APLP1: variants seen among roughly 807,000 people sequenced by gnomAD.
APLP1 encodes amyloid beta precursor like protein 1, also known as amyloid beta (A4) precursor-like protein 1.
In APLP1, 46 loss-of-function variants were observed where a neutral mutation model predicts 84.5. The ratio of observed to expected loss-of-function variants is 0.54; its 90% CI spans 0.43 to 0.70. APLP1 has a LOEUF of 0.70. Ranked by LOEUF, APLP1 falls within the 30% of genes least tolerant of loss-of-function variation. The pLI is 0.00. For synonymous variants in APLP1, 376 were observed against 364.0 expected (o/e 1.03, Z -0.38); for missense variants, 826 against 900.2 (o/e 0.92, Z 1.05).
At chr19:35,870,782 C>T (rs1974121811) in intron 2 of APLP1, 114 bp from the exon 3 acceptor site, 4 of 1,415,182 alleles carry the variant, frequency 2.8e-6, no homozygotes, top group Non-Finnish European at 3.8e-6. Flanking sequence ...AAATCTCCGT[C>T]TCAAAGAAAG....
At position 35,874,834 on chromosome 19, in the gene APLP1, G is replaced by A. The variant is rs35358477; in HGVS notation, c.1309G>A (p.Val437Met). 4.6e-3 allele frequency: 7,332 copies of A among 1,611,174 alleles called. 26 individuals carry two copies. Among genetic ancestry groups the A allele is most frequent in the Non-Finnish European group, 5.3e-3 (6,306 of 1,179,958 alleles). Reference protein sequence around the residue: ...TLRHYQHVAAVDPEKAQQMRF... With the variant: ...TLRHYQHVAAMDPEKAQQMRF... ...GCGCCACTACCAGCATGTGGCCGCC[G>A]TGGATCCCGAGAAGGCACAGCAGAT... Residue 437 changes from valine to methionine, a missense_variant, in exon 10 of 17, where the codon GTG becomes ATG. Val to Met is a conservative substitution (Grantham distance 21, BLOSUM62 1). Transcript: ENST00000221891. This position sits in a 1 kb window ranked among gnomAD's most constrained non-coding sequence, Gnocchi z 6.4.
chr19:35,878,410 G>T, intron 13 of APLP1, 174 bp from the exon 14 acceptor site: 3 of 674,766 alleles, frequency 4.4e-6, no homozygotes, highest in South Asian at 3.7e-5. Context: ...CCTGGGTGTG[G>T]TGGGGCATGT....
chr19:35,878,035 C>A, intron 12 of APLP1, 47 bp from the exon 13 acceptor site: 1 of 1,592,200 alleles, frequency 6.3e-7, no homozygotes, highest in Non-Finnish European at 8.6e-7. Context: ...TTTGCTGATA[C>A]CCTCCTCTCT....
At chr19:35,875,160 CTTTT>C (rs71167572) in intron 10 of APLP1, among the ~76,000 whole-genome samples, 2 of 115,790 alleles carry the variant, frequency 1.7e-5, no homozygotes, top group African/African-American at 3.6e-5. Flanking sequence ...CCAGAATCGT[CTTTT>C]TTTTTTTTTT....
chr19:35,868,595 C>T lies in APLP1; in HGVS notation c.-42C>T. 2.4e-6 allele frequency: 3 copies of T among 1,229,976 alleles called. No individual in the cohort carries two copies. The highest frequency in any genetic ancestry group is 3.0e-6 in the Non-Finnish European group (3 of 985,688). The allele number at this position is 1,229,976 out of a possible 1,614,324, so 76.2% of individuals were successfully genotyped here. A position where few individuals can be genotyped will look rare whatever the true frequency, so the allele number is the denominator to read the frequency against. On this transcript the variant is annotated 5_prime_UTR_variant, in exon 1 of 17. Coordinates refer to ENST00000221891, the MANE Select transcript of APLP1 (RefSeq NM_001024807.3). This position sits in a 1 kb window ranked among gnomAD's most constrained non-coding sequence, Gnocchi z 5.2. The stretch of plus-strand genomic sequence containing the variant: ...GCTCCTGTCACCGCTGGGGCCGGGC[C>T]GGGCGGGAGTGCAGGGGACGTGAGG...
At chr19:35,876,431 T>TA in intron 10 of APLP1, 86 bp from the exon 11 acceptor site, 1 of 1,177,202 alleles carries the variant, frequency 8.5e-7, no homozygotes, top group Non-Finnish European at 1.3e-6. Context: ...CCTCAGTCGC[T>TA]ATTGAATTCC....
chr19:35,869,325 A>G (rs1599880209), intron 1 of APLP1: 1 of 539,654 alleles, frequency 1.9e-6, no homozygotes, highest in East Asian at 3.4e-5. Context: ...GGATGGAGGG[A>G]GGAGGGGCCA....
chr19:35,869,529 G>C (rs557734765), intron 1 of APLP1, 138 bp from the exon 2 acceptor site: 1 of 1,194,626 alleles, frequency 8.4e-7, no homozygotes, highest in Non-Finnish European at 1.2e-6. Context: ...CCCAGGGAAC[G>C]GTGCCTCCAT....
chr19:35,869,367 A>G lies in APLP1; in HGVS notation c.148-300A>G, dbSNP rs1974080267. The G allele has an allele frequency of 6.9e-6, 4 of 577,554 alleles. No individual in the cohort carries two copies. In the South Asian group the frequency reaches 8.5e-5, roughly 12 times the overall value. 35.8% of individuals were successfully genotyped at this position (577,554 alleles called of 1,614,324 possible). A position where few individuals can be genotyped will look rare whatever the true frequency, so the allele number is the denominator to read the frequency against. On this transcript the variant is annotated intron_variant, in intron 1 of 16. Coordinates refer to ENST00000221891, the MANE Select transcript of APLP1 (RefSeq NM_001024807.3). ...CTGGGTTCTGGCCTCCTCCTCCGCGATTCAGGTTTAACCCCTTCGGGCTCC... is the reference window on the plus strand; with the variant it reads ...CTGGGTTCTGGCCTCCTCCTCCGCGGTTCAGGTTTAACCCCTTCGGGCTCC...
chr19:35,872,181 T>C (rs1490316335), intron 6 of APLP1, 145 bp downstream of exon 6: 1 of 1,152,336 alleles, frequency 8.7e-7, no homozygotes, highest in South Asian at 1.6e-5. Context: ...TTGGATAAAA[T>C]AGAAGTAGAA....
chr19:35,869,366 G>C, intron 1 of APLP1: 1 of 575,578 alleles, frequency 1.7e-6, no homozygotes, highest in African/African-American at 1.9e-5. Flanking sequence ...CCTCCTCCGC[G>C]ATTCAGGTTT....
Position 35,871,933 on chromosome 19 carries a change from C to T in APLP1, c.747C>T (p.Phe249=), listed in dbSNP as rs1451114959. Residue 249 remains phenylalanine, a synonymous_variant, in exon 6 of 17, where the codon TTC becomes TTT. Transcript: ENST00000221891. ...AGGACGAGGAAGAGGAGGAATCCTT[C>T]CCACAGCCAGTAGATGATTACTTCG... ...GAEDEEEEES[F]PQPVDDYFVE... is the part of the protein sequence containing the mutation. 6.2e-7 allele frequency: 1 copy of T among 1,614,144 alleles called. No homozygotes were observed.
At chr19:35,877,915 C>A in intron 12 of APLP1, 90 bp downstream of exon 12, 1 of 1,329,010 alleles carries the variant, frequency 7.5e-7, no homozygotes, top group South Asian at 1.3e-5. Context: ...GGTGTCTTCA[C>A]CACCACAGTG....
intron 1 of APLP1, chr19:35,869,025 GTCCAGCCCCCTC>G (rs1568472696): frequency 1.9e-5 from 7 of 361,284 alleles, no homozygotes; most frequent in Non-Finnish European, 3.4e-5. Context: ...GGTCCCAGAA[GTCCAGCCCCCTC>G]TCCAGACCCA....
Position 35,874,993 on chromosome 19 carries a change from G to T in APLP1, c.1344+124G>T, listed in dbSNP as rs1399532570. 3 of 1,333,058 alleles carry T rather than the reference G, an allele frequency of 2.3e-6. No homozygotes were observed. Among genetic ancestry groups the T allele is most frequent in the East Asian group, 2.5e-5 (1 of 39,386 alleles). 82.6% of individuals were successfully genotyped at this position (1,333,058 alleles called of 1,614,324 possible). On this transcript the variant is annotated intron_variant, in intron 10 of 16. Transcript: ENST00000221891. The surrounding 1 kb of genome is among the most constrained non-coding windows in gnomAD (Gnocchi z 6.4). ...GACCCCTTCCTATCCCCTGAACACCGCTTCTCTGCCCCTTCCCAGTCTCTC... is the reference window on the plus strand; with the variant it reads ...GACCCCTTCCTATCCCCTGAACACCTCTTCTCTGCCCCTTCCCAGTCTCTC...
At position 35,869,733 on chromosome 19, in the gene APLP1, G is replaced by A. The variant is rs762333699; in HGVS notation, c.214G>A (p.Gly72Ser). The part of the protein sequence containing the change: ...RLTLHRDLRT[G>S]RWEPDPQRSR... ...AACCCTTCACCGGGACCTGCGCACC[G>A]GCCGCTGGGAACCAGACCCACAGCG... The change falls in exon 2 of 17, where the codon GGC becomes AGC. Residue 72 changes from glycine to serine, a missense_variant. Gly to Ser is a moderately conservative substitution (Grantham distance 56). Coordinates refer to ENST00000221891, the MANE Select transcript of APLP1 (RefSeq NM_001024807.3). 1.5e-5 allele frequency: 24 copies of A among 1,610,914 alleles called. No individual in the cohort carries two copies. The highest frequency in any genetic ancestry group is 2.2e-5 in the East Asian group (1 of 44,854).
chr19:35,872,548 G>A lies in APLP1; in HGVS notation c.916G>A (p.Glu306Lys). 6.2e-7 allele frequency: 1 copy of A among 1,613,936 alleles called. No homozygotes were observed. ...CTTTGGCATGCCTGGGGAAATCAGT[G>A]AGCACGAGGGGTTCCTGAGGGCCAA... is the stretch of plus-strand genomic sequence containing the variant. The part of the protein sequence containing the change: ...IYFGMPGEIS[E>K]HEGFLRAKMD... Residue 306 changes from glutamate (E) to lysine (K), a missense_variant, in exon 7 of 17, where the codon GAG becomes AAG. Transcript: ENST00000221891.
intron 13 of APLP1, 111 bp from the exon 14 acceptor site, chr19:35,878,473 G>A (rs1974331776): frequency 1.8e-6 from 2 of 1,086,766 alleles, no homozygotes; most frequent in East Asian, 2.4e-5. Context: ...TGGAGCCCAG[G>A]AAGTTGAGGC....
chr19:35,869,478 AACGGGAGCGCTGGGGCGCCCCCGCCCT>A (rs1974083536), intron 1 of APLP1, 162 bp from the exon 2 acceptor site: 1 of 784,590 alleles, frequency 1.3e-6, no homozygotes, highest in Non-Finnish European at 2.1e-6. Context: ...TCGCCATAGC[AACGGGAGCGCTGGGGCGCCCCCGCCCT>A]ACGGGAGCTG....
Sources: gnomAD v4.1 joint callset for allele counts (sites outside exome capture counted in the v4.1 genomes callset) on GRCh38, gnomAD v4.1.1 for gene constraint, Gnocchi (gnomAD v3.1) non-coding constraint, MANE v1.5 for transcripts, NCBI Gene and HGNC (gene_info 2026-07-23, HGNC 2026-07-21) for gene names.